MIPEP: variants seen among roughly 807,000 people sequenced by gnomAD.
MIPEP encodes mitochondrial intermediate peptidase.
Under a neutral mutation model 90.3 loss-of-function variants are expected in MIPEP, and 79 were observed. The observed-to-expected ratio is 0.87, with a 90% CI of 0.73 to 1.05. The LOEUF (loss-of-function observed/expected upper bound fraction) is 1.05, where lower values mean the gene tolerates loss of function less well. Among genes scored for constraint, MIPEP ranks in the 50% least tolerant of loss-of-function variants. The probability of loss-of-function intolerance (pLI) is 0.00; values close to 1 mark genes in which losing one functional copy is unlikely to be tolerated. For synonymous variants in MIPEP, 334 were observed against 315.8 expected (o/e 1.06, Z -0.61); for missense variants, 940 against 905.6 (o/e 1.04, Z -0.49).
intron 14 of MIPEP, among the ~76,000 whole-genome samples, chr13:23,811,382 C>T (rs1953169093): frequency 6.6e-6 from 1 of 152,174 alleles, no homozygotes; most frequent in Non-Finnish European, 1.5e-5. Context: ...TTGTCTTTAG[C>T]TTATTCTAGT....
Position 23,889,295 on chromosome 13 carries a change from C to T in MIPEP, c.26G>A (p.Gly9Asp). Reference sequence around the variant, plus strand: ...CAGAGCTGCTGCTCTGGCTCCCAAGCCGCCCAGCCTTCCGACGCACAGCAT... The same window carrying T: ...CAGAGCTGCTGCTCTGGCTCCCAAGTCGCCCAGCCTTCCGACGCACAGCAT... MLCVGRLGGLGARAAALPP... is the reference protein window; with the variant it reads MLCVGRLGDLGARAAALPP... Residue 9 changes from glycine to aspartate, a missense_variant, in exon 1 of 19, where the codon GGC becomes GAC. Transcript: ENST00000382172. The T allele has an allele frequency of 7.4e-7, 1 of 1,358,292 alleles. No homozygotes were observed. Among genetic ancestry groups the T allele is most frequent in the Non-Finnish European group, 9.5e-7 (1 of 1,053,252 alleles). The allele number at this position is 1,358,292 out of a possible 1,614,324, so 84.1% of individuals were successfully genotyped here.
intron 15 of MIPEP, among the ~76,000 whole-genome samples, chr13:23,808,342 G>T (rs921595615): frequency 2.0e-5 from 3 of 151,958 alleles, no homozygotes; most frequent in Admixed American, 1.3e-4. Context: ...CTCGTGATCC[G>T]CCCGCCTCGG....
chr13:23,822,440 A>G (rs1424610679), intron 14 of MIPEP, among the ~76,000 whole-genome samples: 1 of 152,216 alleles, frequency 6.6e-6, no homozygotes, highest in Non-Finnish European at 1.5e-5. Context: ...AGGCTGTACT[A>G]CGGTTGGGTA....
chr13:23,782,920 C>T (rs1241269866), intron 16 of MIPEP, among the ~76,000 whole-genome samples: 14 of 152,054 alleles, frequency 9.2e-5, no homozygotes, highest in Admixed American at 7.2e-4. Flanking sequence ...AAGTTGAATC[C>T]CTGAATAGAC....
intron 18 of MIPEP, among the ~76,000 whole-genome samples, chr13:23,746,074 G>A (rs1284486161): frequency 1.4e-5 from 2 of 146,324 alleles, no homozygotes; most frequent in African/African-American, 5.0e-5. Context: ...GAGTGTAACG[G>A]CACAATCTTG....
chr13:23,747,676 T>A (rs557104436), intron 18 of MIPEP: 40 of 394,094 alleles, frequency 1.0e-4, no homozygotes, highest in South Asian at 7.1e-4. Context: ...AAAATATTCA[T>A]GTGATAAAAA....
At chr13:23,745,331 G>C (rs915804771) in intron 18 of MIPEP, among the ~76,000 whole-genome samples, 3 of 152,004 alleles carry the variant, frequency 2.0e-5, no homozygotes, top group African/African-American at 7.3e-5. Flanking sequence ...TTTACATTTA[G>C]TTGAAAAAGA....
At chr13:23,835,024 C>CT (rs57093490) in intron 14 of MIPEP, among the ~76,000 whole-genome samples, 3,055 of 134,756 alleles carry the variant, frequency 0.023, 100 homozygotes, top group African/African-American at 0.054. Flanking sequence ...ATCCATTATT[C>CT]TTTTTTTTTT....
chr13:23,806,165 T>TA, intron 15 of MIPEP, 96 bp from the exon 16 acceptor site: 1 of 1,259,856 alleles, frequency 7.9e-7, no homozygotes, highest in African/African-American at 1.5e-5. Flanking sequence ...GAACAACAGT[T>TA]ACCAATCACA....
chr13:23,768,526 G>A (rs1952615704), intron 16 of MIPEP, among the ~76,000 whole-genome samples: 1 of 151,994 alleles, frequency 6.6e-6, no homozygotes, highest in African/African-American at 2.4e-5. Flanking sequence ...AACCAGCATG[G>A]GTAACATGGT....
intron 14 of MIPEP, among the ~76,000 whole-genome samples, chr13:23,825,232 A>G (rs1039670846): frequency 6.6e-6 from 1 of 152,236 alleles, no homozygotes; most frequent in Non-Finnish European, 1.5e-5. Flanking sequence ...ATAATTGAGA[A>G]GCATTAACAC....
intron 10 of MIPEP, among the ~76,000 whole-genome samples, chr13:23,854,057 G>A (rs185532534): frequency 2.1e-3 from 316 of 151,724 alleles, no homozygotes; most frequent in African/African-American, 7.4e-3. Context: ...CAGGCGCGGT[G>A]GCTCACGCCT....
chr13:23,814,263 A>T (rs981695714), intron 14 of MIPEP, among the ~76,000 whole-genome samples: 5 of 149,102 alleles, frequency 3.4e-5, no homozygotes, highest in Admixed American at 6.7e-5. Context: ...TTAAAAACAA[A>T]TTTTTTTTTT....
chr13:23,769,095 C>A (rs1433616223), intron 16 of MIPEP, among the ~76,000 whole-genome samples: 1 of 152,168 alleles, frequency 6.6e-6, no homozygotes, highest in East Asian at 1.9e-4. Flanking sequence ...TCTCTCTCCT[C>A]CAACATCTGC....
rs530247437 is a variant in MIPEP, at chr13:23,839,765, A to G, written c.1261-39T>C. On this transcript the variant is annotated intron_variant, in intron 11 of 18. Coordinates refer to ENST00000382172, the MANE Select transcript of MIPEP (RefSeq NM_005932.4). ...TTTAAATTTGGTGGTAAATGAGGCC[A>G]TCTGATTCTCTAAAATCCCTAACAC... 1.0e-4 allele frequency: 149 copies of G among 1,440,686 alleles called. No individual in the cohort carries two copies. The South Asian group carries it at 1.5e-3, about 15-fold the overall frequency. 89.2% of individuals were successfully genotyped at this position (1,440,686 alleles called of 1,614,324 possible). A position where few individuals can be genotyped will look rare whatever the true frequency, so the allele number is the denominator to read the frequency against.
At position 23,886,332 on chromosome 13, in the gene MIPEP, C is replaced by T; in HGVS notation, c.363+1G>A. ...TTCAAGTCTGAGGTAAAGCACCTTA[C>T]CAAGTCGGCCACTCTGCATAAGGAA... On this transcript the variant is annotated splice_donor_variant, in intron 2 of 18. Coordinates refer to ENST00000382172, the MANE Select transcript of MIPEP (RefSeq NM_005932.4). LOFTEE classifies it high-confidence loss of function. The T allele has an allele frequency of 6.6e-7, 1 of 1,521,810 alleles. No individual in the cohort carries two copies. Among genetic ancestry groups the T allele is most frequent in the South Asian group, 1.3e-5 (1 of 74,632 alleles). The allele number at this position is 1,521,810 out of a possible 1,614,324, so 94.3% of individuals were successfully genotyped here.
At chr13:23,735,401 A>G (rs142002421) in intron 18 of MIPEP, among the ~76,000 whole-genome samples, 9 of 152,332 alleles carry the variant, frequency 5.9e-5, no homozygotes, top group African/African-American at 1.9e-4. Flanking sequence ...CTATAATTAC[A>G]TGACTGGTCG....
At chr13:23,773,718 C>T (rs1441772590) in intron 16 of MIPEP, among the ~76,000 whole-genome samples, 2 of 152,186 alleles carry the variant, frequency 1.3e-5, no homozygotes, top group East Asian at 3.8e-4. Flanking sequence ...TGATGCTGAA[C>T]ATCTTTTCAT....
At chr13:23,879,023 T>C (rs970305076) in intron 4 of MIPEP, among the ~76,000 whole-genome samples, 1 of 152,112 alleles carries the variant, frequency 6.6e-6, no homozygotes, top group African/African-American at 2.4e-5. Context: ...CAGGATACGT[T>C]GGAAGGAACG....
Sources: allele counts gnomAD v4.1 joint callset (sites outside exome capture counted in the v4.1 genomes callset), GRCh38; gene constraint gnomAD v4.1.1; transcripts MANE v1.5; gene names NCBI Gene and HGNC (gene_info 2026-07-23, HGNC 2026-07-21).